Variants in ZFYVE28 observed in about 807,000 individuals in gnomAD.
ZFYVE28 encodes the protein zinc finger FYVE-type containing 28.
ZFYVE28 carries 40 observed loss-of-function variants against 82.1 expected under a neutral mutation model. The observed-to-expected ratio is 0.49, with a 90% CI of 0.38 to 0.63. ZFYVE28 has a LOEUF of 0.63. Among genes scored for constraint, ZFYVE28 ranks in the 30% least tolerant of loss-of-function variants. The pLI is 0.00. For synonymous variants in ZFYVE28, 612 were observed against 546.1 expected (o/e 1.12, Z -1.68); for missense variants, 1,321 against 1,242.1 (o/e 1.06, Z -0.96).
intron 2 of ZFYVE28, chr4:2,342,657 T>C (rs1015065605): frequency 4.6e-5 from 7 of 152,380 alleles, no homozygotes; most frequent in South Asian, 2.1e-4. Flanking sequence ...TTTGTGTATA[T>C]GAGGGAGAAG....
intron 5 of ZFYVE28, among the ~76,000 whole-genome samples, chr4:2,336,569 C>G (rs1401067849): frequency 1.3e-5 from 2 of 152,048 alleles, no homozygotes; most frequent in East Asian, 1.9e-4. Context: ...CCTGCCCCCC[C>G]CACTCCCTAA....
In ZFYVE28 at chr4:2,381,037, G is replaced by A. The variant is rs544981027; in HGVS notation, c.40-26964C>T. On this transcript the variant is annotated intron_variant, in intron 1 of 12. Coordinates refer to ENST00000290974, the MANE Select transcript of ZFYVE28 (RefSeq NM_020972.3). ...TTGGAACAGTTTGGAGGGCTCAGAAGAAGACAGGAAAATGTGGGAAAATTT... is the reference window on the plus strand; with the variant it reads ...TTGGAACAGTTTGGAGGGCTCAGAAAAAGACAGGAAAATGTGGGAAAATTT... 2.6e-5 allele frequency among the ~76,000 whole-genome samples: 4 copies of A among 152,368 alleles called. No homozygotes were observed. The South Asian group carries it at 8.3e-4, about 32-fold the overall frequency.
At position 2,304,919 on chromosome 4, in the gene ZFYVE28, G is replaced by C. The variant is rs149193016; in HGVS notation, c.1421C>G (p.Ala474Gly). Residue 474 changes from alanine (A) to glycine (G), a missense_variant, in exon 8 of 13, where the codon GCG (alanine) becomes GGG (glycine). This residue lies in a region of ZFYVE28 where 978 missense variants were observed against 833.7 expected (regional missense o/e 1.17). Transcript: ENST00000290974. ...CAGGCAGCTGCAGGAGCTGGTGCCC[G>C]CGAGGCTGGCCCCATCTGTGCCCTC... ...EAEGTDGASL[A>G]GTSSCSCLDS... 6.2e-7 allele frequency: 1 copy of C among 1,612,686 alleles called. No individual in the cohort carries two copies. Among genetic ancestry groups the C allele is most frequent in the African/African-American group, 1.3e-5 (1 of 75,046 alleles).
intron 1 of ZFYVE28, among the ~76,000 whole-genome samples, chr4:2,365,426 TAAC>T (rs749965170): frequency 3.3e-5 from 5 of 151,834 alleles, no homozygotes; most frequent in Non-Finnish European, 4.4e-5. Flanking sequence ...GTAATAAGGG[TAAC>T]AACAACGCCA....
rs1296656900 is a variant in ZFYVE28, at chr4:2,394,892, A to G, written c.39+23393T>C. ...CGCAAATTCAAGGGACTATCATTCA[A>G]TCTCTTCCCTGCAAAGGGTAAGGCC... On this transcript the variant is annotated intron_variant, in intron 1 of 12. Transcript: ENST00000290974. The surrounding 1 kb of genome is among the most constrained non-coding windows in gnomAD (Gnocchi z 4.0). Among the ~76,000 whole-genome samples, 3 of 152,328 alleles carry G rather than the reference A, an allele frequency of 2.0e-5. No homozygotes were observed. Among genetic ancestry groups the G allele is most frequent in the Admixed American group, 2.0e-4 (3 of 15,304 alleles).
At chr4:2,330,847 C>A in intron 6 of ZFYVE28, 1 of 1,532,204 alleles carries the variant, frequency 6.5e-7, no homozygotes, top group Non-Finnish European at 8.7e-7. Context: ...TGCGTGGGGA[C>A]TGGGGAGAGA....
At chr4:2,286,317 C>G (rs1304529912) in intron 8 of ZFYVE28, 1 of 152,418 alleles carries the variant, frequency 6.6e-6, no homozygotes, top group Admixed American at 6.5e-5. Context: ...AAAAAGGCAG[C>G]AGGTCAGAGG....
chr4:2,278,897 T>A (rs1711536009), intron 8 of ZFYVE28, among the ~76,000 whole-genome samples: 1 of 149,740 alleles, frequency 6.7e-6, no homozygotes, highest in Admixed American at 6.7e-5. Flanking sequence ...TACAATTAAA[T>A]ACCATTTTAT....
At chr4:2,366,818 C>G (rs894388181) in intron 1 of ZFYVE28, among the ~76,000 whole-genome samples, 20 of 152,222 alleles carry the variant, frequency 1.3e-4, no homozygotes, top group African/African-American at 4.8e-4. Flanking sequence ...ATGAGGCATC[C>G]CCTATCATGC....
At chr4:2,276,503 C>T (rs774773046) in intron 8 of ZFYVE28, among the ~76,000 whole-genome samples, 5 of 152,308 alleles carry the variant, frequency 3.3e-5, no homozygotes, top group Admixed American at 1.3e-4. Context: ...ATTTGGGACT[C>T]GGACAGATAC....
intron 1 of ZFYVE28, chr4:2,364,846 C>A (rs1000546212): frequency 2.0e-6 from 2 of 985,352 alleles, no homozygotes; most frequent in African/African-American, 3.5e-5. Flanking sequence ...CGCGATAAAA[C>A]CCCCACGTCG....
rs372847765 is a variant in ZFYVE28, at chr4:2,377,166, C to T, written c.40-23093G>A. On this transcript the variant is annotated intron_variant, in intron 1 of 12. Coordinates refer to ENST00000290974, the MANE Select transcript of ZFYVE28 (RefSeq NM_020972.3). ...CCTCCCGAGTAGCTGGGATTACAGGCGCCCGCTACCACGCCCAGCTAATTT... is the reference window on the plus strand; with the variant it reads ...CCTCCCGAGTAGCTGGGATTACAGGTGCCCGCTACCACGCCCAGCTAATTT... Among the ~76,000 whole-genome samples the T allele has an allele frequency of 1.8e-4, 28 of 152,008 alleles. No individual in the cohort carries two copies. The East Asian group carries it at 3.3e-3, about 18-fold the overall frequency.
At position 2,300,253 on chromosome 4, in the gene ZFYVE28, T is replaced by C. The variant is rs560662119; in HGVS notation, c.2051+4036A>G. Among the ~76,000 whole-genome samples the C allele has an allele frequency of 1.2e-3, 184 of 152,322 alleles. 1 individual carries two copies. The highest frequency in any genetic ancestry group is 2.2e-3 in the Non-Finnish European group (147 of 68,018). ...ACAGACAACCAGCCTGAGTGGACTTTCTGTCATCTAGACAAGTAACTTCCA... is the reference window on the plus strand; with the variant it reads ...ACAGACAACCAGCCTGAGTGGACTTCCTGTCATCTAGACAAGTAACTTCCA... On this transcript the variant is annotated intron_variant, in intron 8 of 12. Coordinates refer to ENST00000290974, the MANE Select transcript of ZFYVE28 (RefSeq NM_020972.3). The surrounding 1 kb of genome is among the most constrained non-coding windows in gnomAD (Gnocchi z 4.6).
chr4:2,283,385 A>AAT (rs1712233148), intron 8 of ZFYVE28, among the ~76,000 whole-genome samples: 1 of 135,140 alleles, frequency 7.4e-6, no homozygotes, highest in Non-Finnish European at 1.6e-5. Flanking sequence ...TCATCCATCC[A>AAT]CCCATCCACT....
At chr4:2,297,633 C>T (rs1316735188) in intron 8 of ZFYVE28, among the ~76,000 whole-genome samples, 1 of 152,246 alleles carries the variant, frequency 6.6e-6, no homozygotes, top group South Asian at 2.1e-4. Flanking sequence ...CAAAGATGGC[C>T]AGGAACAGCT....
intron 7 of ZFYVE28, among the ~76,000 whole-genome samples, chr4:2,317,231 G>A (rs537280916): frequency 8.0e-5 from 12 of 150,544 alleles, no homozygotes; most frequent in Admixed American, 3.3e-4. Flanking sequence ...CAGGTGATCC[G>A]CCCACCTTGG....
chr4:2,366,257 T>C (rs574754545), intron 1 of ZFYVE28, among the ~76,000 whole-genome samples: 1 of 152,364 alleles, frequency 6.6e-6, no homozygotes, highest in East Asian at 1.9e-4. Flanking sequence ...TCACTAAATT[T>C]TTATTTAAAA....
chr4:2,355,199 A>T (rs1480872289), intron 1 of ZFYVE28, among the ~76,000 whole-genome samples: 4 of 48,938 alleles, frequency 8.2e-5, no homozygotes, highest in Admixed American at 3.0e-4. Flanking sequence ...AGTCCTTGAA[A>T]ATATATATAT....
chr4:2,405,981 G>A (rs1311820143), intron 1 of ZFYVE28, among the ~76,000 whole-genome samples: 25 of 149,242 alleles, frequency 1.7e-4, no homozygotes, highest in Middle Eastern at 3.6e-3. Flanking sequence ...TTTGGGAGGC[G>A]GAGGTTGCAG....
Sources: gnomAD v4.1 joint callset for allele counts (sites outside exome capture counted in the v4.1 genomes callset) on GRCh38, gnomAD v4.1.1 for gene constraint, gnomAD v4.1.1 regional missense constraint, Gnocchi (gnomAD v3.1) non-coding constraint, MANE v1.5 for transcripts, NCBI Gene and HGNC (gene_info 2026-07-23, HGNC 2026-07-21) for gene names.